Variants in CSMD1 observed in about 807,000 individuals in gnomAD.
CSMD1 encodes CUB and Sushi multiple domains 1.
In CSMD1, 213 loss-of-function variants were observed where a neutral mutation model predicts 417.5. The observed-to-expected ratio is 0.51, with a 90% CI of 0.46 to 0.57. The LOEUF (loss-of-function observed/expected upper bound fraction) is 0.57. CSMD1 is among the 20% of genes least tolerant of loss of function. The pLI is 0.00. For missense variants in CSMD1, 6,923 were observed against 4,529.7 expected, an observed-to-expected ratio of 1.53 and a Z score of -15.17; for synonymous variants, 2,862 against 1,736.8, an observed-to-expected ratio of 1.65 and a Z score of -16.11.
At chr8:3,968,468 C>T (rs1252706729) in intron 5 of CSMD1, among the ~76,000 whole-genome samples, 1 of 152,128 alleles carries the variant, frequency 6.6e-6, no homozygotes, top group African/African-American at 2.4e-5. Context: ...CTTTAAGAAT[C>T]TTTTTAGTTA....
intron 3 of CSMD1, among the ~76,000 whole-genome samples, chr8:4,086,859 G>C (rs1220083212): frequency 1.3e-5 from 2 of 152,138 alleles, no homozygotes; most frequent in South Asian, 2.1e-4. Context: ...TCACGTTTCT[G>C]GTAGCATAAG....
At chr8:4,684,755 A>G (rs1488755859) in intron 1 of CSMD1, among the ~76,000 whole-genome samples, 2 of 152,252 alleles carry the variant, frequency 1.3e-5, no homozygotes, top group Admixed American at 6.5e-5. Flanking sequence ...TAAATAATTA[A>G]TCATAAATTT....
chr8:4,407,108 G>C (rs918388633), intron 3 of CSMD1, among the ~76,000 whole-genome samples: 1 of 152,188 alleles, frequency 6.6e-6, no homozygotes, highest in Non-Finnish European at 1.5e-5. Flanking sequence ...TAGCAGCAGA[G>C]TTGGGTAGTT....
At chr8:4,233,053 C>G (rs1333093903) in intron 3 of CSMD1, among the ~76,000 whole-genome samples, 1 of 152,156 alleles carries the variant, frequency 6.6e-6, no homozygotes, top group Non-Finnish European at 1.5e-5. Context: ...ATATGTTGCT[C>G]TAGGTTTATT....
intron 1 of CSMD1, among the ~76,000 whole-genome samples, chr8:4,649,625 A>AT (rs1398226363): frequency 2.0e-5 from 3 of 152,190 alleles, no homozygotes; most frequent in Non-Finnish European, 2.9e-5. Flanking sequence ...GCAAAGGCCA[A>AT]TTTTTTAATT....
Position 4,457,457 on chromosome 8 carries a change from T to C in CSMD1, c.303-37392A>G, listed in dbSNP as rs143330790. Among the ~76,000 whole-genome samples the C allele has an allele frequency of 9.0e-4, 137 of 152,208 alleles. 1 individual carries two copies. Among genetic ancestry groups the C allele is most frequent in the Non-Finnish European group, 1.7e-3 (115 of 68,004 alleles). The stretch of plus-strand genomic sequence containing the variant: ...AAAACAAACATAATGCATTGAAAAG[T>C]CTTGCTTATTGGAAAAGATTACCTG... On this transcript the variant is annotated intron_variant, in intron 2 of 69. Coordinates refer to ENST00000635120, the MANE Select transcript of CSMD1 (RefSeq NM_033225.6).
intron 1 of CSMD1, among the ~76,000 whole-genome samples, chr8:4,940,025 G>A (rs1807881241): frequency 6.6e-6 from 1 of 152,192 alleles, no homozygotes; most frequent in Admixed American, 6.5e-5. Context: ...AAAGATCCAT[G>A]TGCCTGCACT....
At chr8:3,799,946 G>A (rs1025213630) in intron 5 of CSMD1, among the ~76,000 whole-genome samples, 14 of 152,082 alleles carry the variant, frequency 9.2e-5, no homozygotes, top group East Asian at 3.9e-4. Context: ...TATCAATAAT[G>A]GAATAATGAA....
intron 3 of CSMD1, among the ~76,000 whole-genome samples, chr8:4,242,652 T>A (rs1401328546): frequency 1.3e-5 from 2 of 152,172 alleles, no homozygotes; most frequent in African/African-American, 4.8e-5. Flanking sequence ...TGGAAATAGA[T>A]TCCCTCCTTC....
chr8:4,753,316 C>A (rs1318814207), intron 1 of CSMD1, among the ~76,000 whole-genome samples: 1 of 151,606 alleles, frequency 6.6e-6, no homozygotes, highest in African/African-American at 2.4e-5. Context: ...TTTAAATGAC[C>A]AGGATAAAAG....
chr8:3,525,308 T>C (rs142059725), intron 10 of CSMD1, among the ~76,000 whole-genome samples: 7 of 152,058 alleles, frequency 4.6e-5, no homozygotes, highest in Admixed American at 2.6e-4. Flanking sequence ...AAAAAGGAAT[T>C]AGCATTTCCA....
chr8:3,229,082 C>T (rs951253511), intron 27 of CSMD1, among the ~76,000 whole-genome samples: 4 of 152,048 alleles, frequency 2.6e-5, no homozygotes, highest in South Asian at 2.1e-4. Context: ...TAAGTAGGAG[C>T]GCCGTATCAC....
intron 25 of CSMD1, chr8:3,284,600 A>G (rs1305445987): frequency 6.4e-6 from 3 of 468,370 alleles, no homozygotes; most frequent in African/African-American, 3.9e-5. Context: ...ATGCTGAGCT[A>G]TCCATTTTAG....
intron 12 of CSMD1, among the ~76,000 whole-genome samples, chr8:3,453,531 CA>C (rs920754668): frequency 6.6e-6 from 1 of 152,158 alleles, no homozygotes; most frequent in African/African-American, 2.4e-5. Flanking sequence ...TCATTGGTTT[CA>C]AAGAACATCT....
At chr8:4,657,105 T>C (rs555243331) in intron 1 of CSMD1, among the ~76,000 whole-genome samples, 2 of 152,272 alleles carry the variant, frequency 1.3e-5, no homozygotes, top group East Asian at 3.9e-4. Flanking sequence ...AGATTTTCTC[T>C]GGGATATAAA....
intron 2 of CSMD1, among the ~76,000 whole-genome samples, chr8:4,464,530 T>G (rs1278187239): frequency 1.3e-5 from 2 of 152,150 alleles, no homozygotes; most frequent in African/African-American, 4.8e-5. Flanking sequence ...ATTTATTCAA[T>G]ATTGAACTAA....
At chr8:4,623,057 G>A (rs886706618) in intron 2 of CSMD1, among the ~76,000 whole-genome samples, 1 of 152,056 alleles carries the variant, frequency 6.6e-6, no homozygotes, top group African/African-American at 2.4e-5. Flanking sequence ...CCATTAAAAG[G>A]ATAAATGTTG....
At chr8:4,604,410 TGCGC>T (rs148463995) in intron 2 of CSMD1, among the ~76,000 whole-genome samples, 2 of 146,228 alleles carry the variant, frequency 1.4e-5, no homozygotes, top group South Asian at 4.5e-4. Flanking sequence ...TGTGTGTGTG[TGCGC>T]GTGCGTAAAG....
At chr8:3,790,144 G>T (rs1799656379) in intron 5 of CSMD1, among the ~76,000 whole-genome samples, 2 of 152,142 alleles carry the variant, frequency 1.3e-5, no homozygotes, top group South Asian at 4.1e-4. Context: ...AAATTGCCTT[G>T]GCTCACATGC....
Sources: gnomAD v4.1 joint callset for allele counts (sites outside exome capture counted in the v4.1 genomes callset) on GRCh38, gnomAD v4.1.1 for gene constraint, MANE v1.5 for transcripts, NCBI Gene and HGNC (gene_info 2026-07-23, HGNC 2026-07-21) for gene names.